Variants in SPCS2 observed in about 807,000 individuals in gnomAD.
SPCS2 encodes signal peptidase complex subunit 2.
In SPCS2, 3 loss-of-function variants were observed where a neutral mutation model predicts 22.3. That is an observed-to-expected ratio of 0.13 (90% CI 0.06 to 0.35). The LOEUF (loss-of-function observed/expected upper bound fraction) is 0.35, where lower values mean the gene tolerates loss of function less well. Among genes scored for constraint, SPCS2 ranks in the 10% least tolerant of loss-of-function variants. The pLI is 1.00. For missense variants in SPCS2, 169 were observed against 280.9 expected (o/e 0.60, Z 2.85); for synonymous variants, 67 against 97.2 (o/e 0.69, Z 1.83).
At chr11:74,964,150 T>C (rs1345589776) in intron 1 of SPCS2, among the ~76,000 whole-genome samples, 6 of 152,250 alleles carry the variant, frequency 3.9e-5, no homozygotes, top group Non-Finnish European at 8.8e-5. Flanking sequence ...AGCTTTTCAC[T>C]ATTACAGACA....
At chr11:74,967,651 A>C (rs1948555040) in intron 3 of SPCS2, among the ~76,000 whole-genome samples, 2 of 152,232 alleles carry the variant, frequency 1.3e-5, no homozygotes, top group Non-Finnish European at 2.9e-5. Flanking sequence ...TGGGAGGCTG[A>C]GGCACAAGAA....
At chr11:74,960,424 A>AGTTGGTTTT (rs1437202736) in intron 1 of SPCS2, among the ~76,000 whole-genome samples, 6 of 151,306 alleles carry the variant, frequency 4.0e-5, no homozygotes, top group Non-Finnish European at 7.4e-5. Flanking sequence ...GCCAAATTGC[A>AGTTGGTTTT]GTTGGTTTTA....
chr11:74,970,616 C>T (rs1565487690), intron 4 of SPCS2, among the ~76,000 whole-genome samples: 1 of 152,192 alleles, frequency 6.6e-6, no homozygotes, highest in Non-Finnish European at 1.5e-5. Flanking sequence ...CTGTGCCATA[C>T]AGACTGTCTC....
At position 74,965,067 on chromosome 11, in the gene SPCS2, A is replaced by G; in HGVS notation, c.148A>G (p.Lys50Glu). 6.4e-7 allele frequency: 1 copy of G among 1,551,386 alleles called. No individual in the cohort carries two copies. Among genetic ancestry groups the G allele is most frequent in the Non-Finnish European group, 8.7e-7 (1 of 1,146,660 alleles). The part of the protein sequence containing the change: ...KIDDKPVKID[K>E]WDGSAVKNSL... The stretch of plus-strand genomic sequence containing the variant: ...AGATGATAAGCCTGTAAAAATTGAC[A>G]AGTGGGATGGATCAGCTGTGAAAAA... Residue 50 changes from lysine (K) to glutamate (E), a missense_variant, in exon 2 of 5, where the codon AAG becomes GAG. By Grantham distance (56) the Lys-to-Glu change is moderately conservative. Coordinates refer to ENST00000263672, the MANE Select transcript of SPCS2 (RefSeq NM_014752.3).
intron 1 of SPCS2, among the ~76,000 whole-genome samples, chr11:74,961,467 G>A (rs1323692003): frequency 6.6e-6 from 1 of 152,156 alleles, no homozygotes; most frequent in Non-Finnish European, 1.5e-5. Flanking sequence ...AGGAAAAAAA[G>A]CATTTGCCTA....
At chr11:74,957,175 A>G (rs1315697617) in intron 1 of SPCS2, among the ~76,000 whole-genome samples, 4 of 152,212 alleles carry the variant, frequency 2.6e-5, no homozygotes, top group African/African-American at 4.8e-5. Flanking sequence ...CAGCCATTCA[A>G]TATTAATTTA....
At chr11:74,951,475 A>G (rs112755589) in intron 1 of SPCS2, among the ~76,000 whole-genome samples, 6,328 of 152,244 alleles carry the variant, frequency 0.042, 444 homozygotes, top group African/African-American at 0.14. Flanking sequence ...ACGGAAGTTC[A>G]AATGAGAGAA....
intron 1 of SPCS2, among the ~76,000 whole-genome samples, chr11:74,950,126 C>T (rs933111978): frequency 2.0e-5 from 3 of 152,160 alleles, no homozygotes; most frequent in Non-Finnish European, 4.4e-5. Flanking sequence ...GGAAAACTGT[C>T]CCTGGGTTGG....
At chr11:74,971,805 G>T (rs1948586219) in intron 4 of SPCS2, among the ~76,000 whole-genome samples, 2 of 152,208 alleles carry the variant, frequency 1.3e-5, no homozygotes, top group Admixed American at 1.3e-4. Context: ...AGCATATGAA[G>T]TATTACAGCA....
intron 1 of SPCS2, among the ~76,000 whole-genome samples, chr11:74,962,987 A>G (rs1948522721): frequency 6.6e-6 from 1 of 152,218 alleles, no homozygotes; most frequent in Admixed American, 6.5e-5. Flanking sequence ...CAGGCAGTGA[A>G]GTGTGGCTAG....
chr11:74,957,048 A>G (rs992129427), intron 1 of SPCS2, among the ~76,000 whole-genome samples: 2 of 152,068 alleles, frequency 1.3e-5, no homozygotes, highest in African/African-American at 4.8e-5. Flanking sequence ...GCCTGGAATT[A>G]TATGCGTATT....
rs1173331902 is a variant in SPCS2, at chr11:74,978,795, CGAG to C, written c.*1754_*1756del. 6 of 152,086 alleles carry C rather than the reference CGAG, an allele frequency of 3.9e-5. No individual in the cohort carries two copies. Among genetic ancestry groups the C allele is most frequent in the Admixed American group, 3.3e-4 (5 of 15,266 alleles). The allele number at this position is 152,086 out of a possible 1,614,324, so 9.4% of individuals were successfully genotyped here. The stretch of plus-strand genomic sequence containing the variant: ...ACTGTACTGTTAGACACAAGGGTCT[CGAG>C]GCTTGCAGATAGAGACTGAATAACC... On this transcript the variant is annotated 3_prime_UTR_variant, in exon 5 of 5. Transcript: ENST00000263672.
intron 1 of SPCS2, among the ~76,000 whole-genome samples, chr11:74,954,317 C>T (rs1948464050): frequency 6.6e-6 from 1 of 152,230 alleles, no homozygotes; most frequent in South Asian, 2.1e-4. Context: ...GAATTAGTAA[C>T]ACTTACAGAA....
At chr11:74,955,861 T>TATATA (rs1783742571) in intron 1 of SPCS2, among the ~76,000 whole-genome samples, 1 of 91,168 alleles carries the variant, frequency 1.1e-5, no homozygotes, top group Non-Finnish European at 2.0e-5. Context: ...AATATATATA[T>TATATA]ATATATATAT....
At chr11:74,973,548 T>G (rs1239282068) in intron 4 of SPCS2, among the ~76,000 whole-genome samples, 1 of 152,216 alleles carries the variant, frequency 6.6e-6, no homozygotes, top group East Asian at 1.9e-4. Context: ...CCCTGACCAT[T>G]GCTTCCTGTT....
intron 3 of SPCS2, among the ~76,000 whole-genome samples, chr11:74,966,209 G>A (rs1447613834): frequency 6.6e-6 from 1 of 152,192 alleles, no homozygotes; most frequent in Non-Finnish European, 1.5e-5. Flanking sequence ...CATAGTAATA[G>A]TGAACCCAGC....
intron 1 of SPCS2, among the ~76,000 whole-genome samples, chr11:74,954,024 C>T (rs1948462031): frequency 6.6e-6 from 1 of 152,168 alleles, no homozygotes; most frequent in Admixed American, 6.5e-5. Flanking sequence ...GATTTTTGGA[C>T]CTTTTTTTAG....
intron 1 of SPCS2, among the ~76,000 whole-genome samples, chr11:74,954,826 A>G (rs374366559): frequency 6.6e-6 from 1 of 152,252 alleles, no homozygotes; most frequent in African/African-American, 2.4e-5. Context: ...CATATATCTG[A>G]TAAGGGTCTA....
At chr11:74,971,561 C>T (rs758728729) in intron 4 of SPCS2, among the ~76,000 whole-genome samples, 9 of 152,120 alleles carry the variant, frequency 5.9e-5, no homozygotes, top group Non-Finnish European at 1.2e-4. Flanking sequence ...GCTCTCTTCC[C>T]GGCTTTCTGC....
Sources: allele counts gnomAD v4.1 joint callset (sites outside exome capture counted in the v4.1 genomes callset), GRCh38; gene constraint gnomAD v4.1.1; transcripts MANE v1.5; gene names NCBI Gene and HGNC (gene_info 2026-07-23, HGNC 2026-07-21).